Variants in DOK5 observed in about 807,000 individuals in gnomAD.
DOK5 encodes docking protein 5, also known as downstream of tyrosine kinase 5.
A neutral mutation model predicts 43.3 loss-of-function variants in DOK5; 27 were observed. The ratio of observed to expected loss-of-function variants is 0.62; its 90% CI spans 0.46 to 0.86. The LOEUF (loss-of-function observed/expected upper bound fraction) is 0.86. Ranked by LOEUF, DOK5 falls within the 40% of genes least tolerant of loss-of-function variation. DOK5 has a pLI of 0.00. For synonymous variants in DOK5, 146 were observed against 140.1 expected, an observed-to-expected ratio of 1.04 and a Z score of -0.30; for missense variants, 373 against 392.9, an observed-to-expected ratio of 0.95 and a Z score of 0.43.
chr20:54,644,461 T>C (rs963529399), intron 7 of DOK5, among the ~76,000 whole-genome samples: 3 of 151,712 alleles, frequency 2.0e-5, no homozygotes, highest in Admixed American at 2.0e-4. Context: ...TCCCAGCACT[T>C]TGGGAGGCCG....
chr20:54,494,294 G>T (rs147895397), intron 1 of DOK5, among the ~76,000 whole-genome samples: 3 of 152,320 alleles, frequency 2.0e-5, no homozygotes, highest in Admixed American at 6.5e-5. Flanking sequence ...CTTCAAAACT[G>T]CAGTTGGATA....
At chr20:54,644,881 T>A (rs1270142081) in intron 7 of DOK5, among the ~76,000 whole-genome samples, 1 of 130,732 alleles carries the variant, frequency 7.6e-6, no homozygotes, top group Non-Finnish European at 1.7e-5. Flanking sequence ...AAAAAAAAAA[T>A]TCTATTTAAA....
intron 2 of DOK5, among the ~76,000 whole-genome samples, chr20:54,573,686 CA>C (rs1321685949): frequency 0.22 from 11,364 of 51,162 alleles, 489 homozygotes; most frequent in African/African-American, 0.42. Context: ...GACTCCATCT[CA>C]AAAAAAAAAA....
intron 1 of DOK5, among the ~76,000 whole-genome samples, chr20:54,540,931 A>G (rs1984137213): frequency 6.6e-6 from 1 of 152,190 alleles, no homozygotes. Context: ...ATAGTCTCAT[A>G]TACACAATGT....
chr20:54,501,923 C>G (rs1231997374), intron 1 of DOK5, among the ~76,000 whole-genome samples: 1 of 152,176 alleles, frequency 6.6e-6, no homozygotes, highest in Non-Finnish European at 1.5e-5. Context: ...TCGGTTAATA[C>G]TCTGAATGTA....
intron 5 of DOK5, among the ~76,000 whole-genome samples, chr20:54,597,027 G>A (rs568781339): frequency 1.7e-4 from 26 of 152,262 alleles, no homozygotes; most frequent in Middle Eastern, 3.4e-3. Flanking sequence ...AAGCTCACAG[G>A]GTACAAATGC....
Position 54,588,487 on chromosome 20 carries a change from C to T in DOK5, c.179C>T (p.Thr60Ile), listed in dbSNP as rs1353571396. The change falls in exon 3 of 8, where the codon ACA (threonine) becomes ATA (isoleucine). Residue 60 changes from threonine (T) to isoleucine (I), a missense_variant. Physicochemically the swap from Thr to Ile is moderately conservative, Grantham distance 89. Coordinates refer to ENST00000262593, the MANE Select transcript of DOK5 (RefSeq NM_018431.5). ...CTTCTAATTGTTCATTTTCAGGTTA[C>T]AGAACTCAATAATGTGAAGAACGTA... is the stretch of plus-strand genomic sequence containing the variant. ...AAYFRCYHKV[T>I]ELNNVKNVAR... 3.1e-6 allele frequency: 5 copies of T among 1,613,638 alleles called. No homozygotes were observed. The highest frequency in any genetic ancestry group is 4.2e-6 in the Non-Finnish European group (5 of 1,179,590).
rs1174220240 is a variant in DOK5, at chr20:54,644,710, A to AAAAAAAAAAAAAAAAC, written c.856+1146_856+1147insACAAAAAAAAAAAAAA. 7.8e-3 allele frequency among the ~76,000 whole-genome samples: 789 copies of AAAAAAAAAAAAAAAAC among 101,760 alleles called. 6 individuals are homozygous for AAAAAAAAAAAAAAAAC. The highest frequency in any genetic ancestry group is 0.012 in the Non-Finnish European group (597 of 48,516). The allele number at this position is 101,760 out of a possible 152,430, so 66.8% of individuals were successfully genotyped here. ...GACAGAGAGAGACTCCGTCTCAAAA[A>AAAAAAAAAAAAAAAAC]AAAAAAAAAAAAAACAAAATTTAGC... On this transcript the variant is annotated intron_variant, in intron 7 of 7. Coordinates refer to ENST00000262593, the MANE Select transcript of DOK5 (RefSeq NM_018431.5).
At position 54,633,451 on chromosome 20, in the gene DOK5, C is replaced by G. The variant is rs1050355764; in HGVS notation, c.736-10007C>G. ...CTTTCTCTCTTGGACTGAGATGTCC[C>G]TTCTGACTCAACTTTGCCCATGTTT... is the stretch of plus-strand genomic sequence containing the variant. On this transcript the variant is annotated intron_variant, in intron 6 of 7. Transcript: ENST00000262593. Among the ~76,000 whole-genome samples, 24 of 152,236 alleles carry G rather than the reference C, an allele frequency of 1.6e-4. 1 individual carries two copies. The highest frequency in any genetic ancestry group is 5.5e-4 in the African/African-American group (23 of 41,532).
chr20:54,568,193 A>T lies in DOK5; in HGVS notation c.174+13153A>T, dbSNP rs1339541096. On this transcript the variant is annotated intron_variant, in intron 2 of 7. Transcript: ENST00000262593. ...TATATTCTGAAGAAACACACAATAC[A>T]CATAATGACATAAGAAAAACAAGAC... Among the ~76,000 whole-genome samples the T allele has an allele frequency of 3.3e-5, 5 of 152,254 alleles. No individual in the cohort carries two copies. In the East Asian group the frequency reaches 9.6e-4, roughly 29 times the overall value.
intron 1 of DOK5, among the ~76,000 whole-genome samples, chr20:54,490,817 T>C (rs1168485171): frequency 6.6e-6 from 1 of 152,178 alleles, no homozygotes; most frequent in Non-Finnish European, 1.5e-5. Context: ...CTCGATCTCT[T>C]GACCTTGTGA....
chr20:54,621,158 A>G (rs1323520119), intron 6 of DOK5, among the ~76,000 whole-genome samples: 2 of 152,226 alleles, frequency 1.3e-5, no homozygotes, highest in African/African-American at 4.8e-5. Context: ...AACTTATGGC[A>G]GGGTACAAAT....
intron 6 of DOK5, among the ~76,000 whole-genome samples, chr20:54,616,250 T>A (rs1224906914): frequency 2.0e-5 from 3 of 152,202 alleles, no homozygotes; most frequent in Non-Finnish European, 2.9e-5. Flanking sequence ...TTGGAACAGG[T>A]GTGCTGACAT....
chr20:54,478,268 G>A (rs1981515229), intron 1 of DOK5, among the ~76,000 whole-genome samples: 1 of 152,196 alleles, frequency 6.6e-6, no homozygotes, highest in Non-Finnish European at 1.5e-5. Flanking sequence ...AGTTTTAATG[G>A]AGGCTGCAAA....
chr20:54,491,923 A>G (rs1305159705), intron 1 of DOK5, among the ~76,000 whole-genome samples: 2 of 152,166 alleles, frequency 1.3e-5, no homozygotes, highest in Non-Finnish European at 2.9e-5. Context: ...AATGGCAAAA[A>G]ATGAAAGAAA....
At chr20:54,635,983 G>C (rs912357436) in intron 6 of DOK5, among the ~76,000 whole-genome samples, 2 of 152,200 alleles carry the variant, frequency 1.3e-5, no homozygotes, top group Admixed American at 1.3e-4. Flanking sequence ...CAAGGTGCTG[G>C]CATCTTGGAA....
At chr20:54,622,523 A>G (rs998630209) in intron 6 of DOK5, among the ~76,000 whole-genome samples, 1 of 152,212 alleles carries the variant, frequency 6.6e-6, no homozygotes, top group South Asian at 2.1e-4. Context: ...AGCTCCTGTC[A>G]CGGTGCCAGG....
At chr20:54,604,088 A>G (rs1986389556) in intron 5 of DOK5, among the ~76,000 whole-genome samples, 1 of 151,464 alleles carries the variant, frequency 6.6e-6, no homozygotes, top group African/African-American at 2.4e-5. Context: ...CTGAGACTAC[A>G]GGCGCCCGCC....
intron 1 of DOK5, among the ~76,000 whole-genome samples, chr20:54,538,871 A>G (rs891590949): frequency 6.6e-6 from 1 of 152,248 alleles, no homozygotes; most frequent in Admixed American, 6.5e-5. Context: ...GTACAATGGA[A>G]TATCATCACC....
Sources: gnomAD v4.1 joint callset for allele counts (sites outside exome capture counted in the v4.1 genomes callset) on GRCh38, gnomAD v4.1.1 for gene constraint, MANE v1.5 for transcripts, NCBI Gene and HGNC (gene_info 2026-07-23, HGNC 2026-07-21) for gene names.